Variants in DNAJC2 observed in about 807,000 individuals in gnomAD.
The protein encoded by DNAJC2 is dnaJ homolog subfamily C member 2.
A neutral mutation model predicts 94.0 loss-of-function variants in DNAJC2; 32 were observed. That is an observed-to-expected ratio of 0.34 (90% CI 0.26 to 0.46). DNAJC2 has a LOEUF of 0.46. Ranked by LOEUF, DNAJC2 falls within the 20% of genes least tolerant of loss-of-function variation. The pLI is 1.00. For synonymous variants in DNAJC2, 210 were observed against 229.7 expected, an observed-to-expected ratio of 0.91 and a Z score of 0.77; for missense variants, 550 against 719.5, an observed-to-expected ratio of 0.76 and a Z score of 2.69.
intron 5 of DNAJC2, 82 bp downstream of exon 5, chr7:103,326,461 C>A: frequency 7.4e-7 from 1 of 1,350,742 alleles, no homozygotes; most frequent in South Asian, 1.3e-5. Context: ...AAACTATTAT[C>A]AGAGGGAAAG....
intron 4 of DNAJC2, 104 bp from the exon 5 acceptor site, chr7:103,326,788 A>G: frequency 1.6e-6 from 2 of 1,213,398 alleles, no homozygotes; most frequent in Non-Finnish European, 2.2e-6. Context: ...ATTAATTTTC[A>G]TATTTGAAAA....
intron 3 of DNAJC2, chr7:103,335,494 G>C (rs546740252): frequency 2.0e-5 from 3 of 151,698 alleles, no homozygotes; most frequent in Admixed American, 6.6e-5. Context: ...TTTTTGGCTA[G>C]AGAATACATA....
chr7:103,322,884 T>A (rs1325977988), intron 7 of DNAJC2, 90 bp from the exon 8 acceptor site: 6 of 1,025,148 alleles, frequency 5.9e-6, no homozygotes, highest in Non-Finnish European at 8.6e-6. Context: ...TATATGTACA[T>A]AACATCCTAG....
chr7:103,327,304 T>C, intron 4 of DNAJC2: 1 of 1,218,698 alleles, frequency 8.2e-7, no homozygotes, highest in Non-Finnish European at 1.1e-6. Context: ...AAAATCTTAG[T>C]ATTCTCATCA....
chr7:103,341,986 T>C (rs1197195609), intron 1 of DNAJC2, 32 bp from the exon 2 acceptor site: 3 of 1,467,434 alleles, frequency 2.0e-6, no homozygotes, highest in Admixed American at 4.9e-5. Context: ...GAGGCTTCAG[T>C]GTATCGCATG....
chr7:103,328,782 C>G, intron 3 of DNAJC2: 1 of 276,452 alleles, frequency 3.6e-6, no homozygotes, highest in Non-Finnish European at 7.0e-6. Flanking sequence ...CTGCTTAATA[C>G]AGTATTTCAA....
At chr7:103,313,600 C>T (rs915961452) in intron 15 of DNAJC2, 2 of 982,374 alleles carry the variant, frequency 2.0e-6, no homozygotes, top group South Asian at 4.7e-5. Flanking sequence ...AAGCCAAGTG[C>T]CCAAGGTACC....
chr7:103,341,925 CCA>C lies in DNAJC2; in HGVS notation c.92_93del (p.Val31GlyfsTer5). ...TTAACAAAAGCTTCAAACCATCTTC[CCA>C]CAGGTTCAACTTGACAGAGTGTAGA... ...SASTLCQVEP[V>X]GRWFEAFVKR... On this transcript the variant is annotated frameshift_variant, in exon 2 of 17. Transcript: ENST00000379263. LOFTEE classifies it high-confidence loss of function. The C allele has an allele frequency of 6.2e-7, 1 of 1,608,160 alleles. No individual in the cohort carries two copies. The highest frequency in any genetic ancestry group is 8.5e-7 in the Non-Finnish European group (1 of 1,177,896).
intron 3 of DNAJC2, among the ~76,000 whole-genome samples, chr7:103,331,294 C>T (rs774110463): frequency 1.3e-5 from 2 of 152,140 alleles, no homozygotes; most frequent in Admixed American, 1.3e-4. Context: ...GCATAAACCA[C>T]GTAATGATCA....
intron 15 of DNAJC2, chr7:103,313,870 G>T: frequency 1.0e-6 from 1 of 985,406 alleles, no homozygotes; most frequent in Non-Finnish European, 1.2e-6. Context: ...ATTTGGTTAA[G>T]TTAATGGACT....
At position 103,323,624 on chromosome 7, in the gene DNAJC2, A is replaced by G. The variant is rs1373138334; in HGVS notation, c.693T>C (p.Asp231=). The G allele has an allele frequency of 6.8e-7, 1 of 1,463,652 alleles. No homozygotes were observed. Among genetic ancestry groups the G allele is most frequent in the Admixed American group, 2.0e-5 (1 of 50,200 alleles). The allele number at this position is 1,463,652 out of a possible 1,614,324, so 90.7% of individuals were successfully genotyped here. ...ATTCTGCTTTTTCTTTTTCTTCTTC[A>G]TCTAAATAAGAAAATTCTCTCCAAG... ...FDSWREFSYL[D]EEEKEKAECR... Residue 231 remains aspartate (D), a synonymous_variant, in exon 7 of 17, where the codon GAT becomes GAC. Transcript: ENST00000379263.
At chr7:103,337,609 A>T in intron 3 of DNAJC2, 127 bp downstream of exon 3, 1 of 729,578 alleles carries the variant, frequency 1.4e-6, no homozygotes, top group Non-Finnish European at 2.2e-6. Context: ...GCTTGTTATG[A>T]CAATATAACA....
At chr7:103,324,416 A>G (rs1818588827) in intron 6 of DNAJC2, 66 bp downstream of exon 6, 3 of 1,343,050 alleles carry the variant, frequency 2.2e-6, no homozygotes, top group East Asian at 5.5e-5. Flanking sequence ...ATAAACAATC[A>G]AGTACTTATT....
chr7:103,322,918 T>A, intron 7 of DNAJC2, 124 bp from the exon 8 acceptor site: 1 of 795,664 alleles, frequency 1.3e-6, no homozygotes, highest in African/African-American at 1.7e-5. Context: ...GTGTCATTAC[T>A]AACATTAAAC....
rs181726137 is a variant in DNAJC2 at position 103,341,642 on chromosome 7, T to G, written c.255+122A>C. The G allele has an allele frequency of 9.7e-5, 76 of 783,914 alleles. No individual in the cohort carries two copies. In the East Asian group the frequency reaches 1.9e-3, roughly 20 times the overall value. The allele number at this position is 783,914 out of a possible 1,614,324, so 48.6% of individuals were successfully genotyped here. ...CTCTCAAGACTTAGTAATAAACAGA[T>G]GCTAAATCATAGTTATCTTGCTGAA... On this transcript the variant is annotated intron_variant, in intron 2 of 16. Transcript: ENST00000379263.
intron 2 of DNAJC2, among the ~76,000 whole-genome samples, chr7:103,341,341 C>T (rs1819365741): frequency 6.6e-6 from 1 of 152,192 alleles, no homozygotes; most frequent in Admixed American, 6.5e-5. Flanking sequence ...AAGGACACAA[C>T]AGAGTTTGGT....
intron 2 of DNAJC2, among the ~76,000 whole-genome samples, chr7:103,341,139 A>C (rs1430637152): frequency 1.3e-5 from 2 of 152,240 alleles, no homozygotes; most frequent in African/African-American, 4.8e-5. Flanking sequence ...TCAAGGATTC[A>C]GTCACAGGTC....
chr7:103,321,733 C>T (rs1818428064), intron 10 of DNAJC2, among the ~76,000 whole-genome samples, 199 bp downstream of exon 10: 2 of 152,098 alleles, frequency 1.3e-5, no homozygotes, highest in Admixed American at 1.3e-4. Context: ...CCTGTAATCC[C>T]AGCTACTCGG....
chr7:103,327,881 T>G, intron 3 of DNAJC2, 127 bp from the exon 4 acceptor site: 1 of 567,374 alleles, frequency 1.8e-6, no homozygotes. Context: ...GTAAAATATA[T>G]GCTTATTCAA....
Sources: gnomAD v4.1 joint callset for allele counts (sites outside exome capture counted in the v4.1 genomes callset) on GRCh38, gnomAD v4.1.1 for gene constraint, MANE v1.5 for transcripts, NCBI Gene and HGNC (gene_info 2026-07-23, HGNC 2026-07-21) for gene names.